ATG5: variants seen among roughly 807,000 people sequenced by gnomAD.
ATG5 encodes the protein autophagy protein 5.
Under a neutral mutation model 36.5 loss-of-function variants are expected in ATG5, and 14 were observed. That is an observed-to-expected ratio of 0.38 (90% CI 0.25 to 0.60). The LOEUF (loss-of-function observed/expected upper bound fraction) is 0.60, where lower values mean the gene tolerates loss of function less well. Ranked by LOEUF, ATG5 falls within the 20% of genes least tolerant of loss-of-function variation. The pLI, the probability that ATG5 is intolerant of heterozygous loss-of-function variation, is 0.60. For synonymous variants in ATG5, 95 were observed against 101.5 expected (o/e 0.94, Z 0.38); for missense variants, 195 against 326.7 (o/e 0.60, Z 3.11).
intron 4 of ATG5, among the ~76,000 whole-genome samples, chr6:106,291,445 G>T (rs1780304222): frequency 6.6e-6 from 1 of 152,102 alleles, no homozygotes; most frequent in Admixed American, 6.5e-5. Context: ...CAACGGGAAG[G>T]GCCAATAACA....
At chr6:106,234,681 A>G (rs928765198) in intron 6 of ATG5, among the ~76,000 whole-genome samples, 13 of 152,226 alleles carry the variant, frequency 8.5e-5, no homozygotes, top group Non-Finnish European at 1.6e-4. Context: ...AACAAGATTT[A>G]TACAATTATG....
chr6:106,252,129 C>T (rs555550311), intron 5 of ATG5, among the ~76,000 whole-genome samples: 1 of 152,188 alleles, frequency 6.6e-6, no homozygotes, highest in East Asian at 1.9e-4. Context: ...CATGAGCCAC[C>T]GTGCAGAGCC....
chr6:106,196,395 G>T (rs931283010), intron 7 of ATG5, among the ~76,000 whole-genome samples: 1 of 152,178 alleles, frequency 6.6e-6, no homozygotes, highest in Admixed American at 6.5e-5. Context: ...ACCAGGAGAT[G>T]GAGACCTGTG....
intron 6 of ATG5, chr6:106,217,492 C>T (rs1040360034): frequency 2.0e-5 from 3 of 152,178 alleles, no homozygotes; most frequent in Non-Finnish European, 2.9e-5. Flanking sequence ...CCACTGTTTG[C>T]GAGCTTTTCC....
At chr6:106,323,091 T>C (rs980926960) in intron 1 of ATG5, among the ~76,000 whole-genome samples, 1 of 151,738 alleles carries the variant, frequency 6.6e-6, no homozygotes, top group South Asian at 2.1e-4. Flanking sequence ...GGTTTGTTTT[T>C]TTTGTTTGTT....
intron 4 of ATG5, among the ~76,000 whole-genome samples, chr6:106,286,056 C>A (rs1347494371): frequency 6.6e-6 from 1 of 151,320 alleles, no homozygotes; most frequent in Non-Finnish European, 1.5e-5. Context: ...CCACTCTTAA[C>A]CCTACAACAT....
intron 6 of ATG5, among the ~76,000 whole-genome samples, chr6:106,233,689 T>C (rs1777777537): frequency 6.6e-6 from 1 of 152,122 alleles, no homozygotes; most frequent in Non-Finnish European, 1.5e-5. Flanking sequence ...TCTCATAACG[T>C]GAACGGCATA....
chr6:106,205,975 T>C lies in ATG5; in HGVS notation c.574-3886A>G, dbSNP rs530695230. Among the ~76,000 whole-genome samples, 3 of 152,328 alleles carry C rather than the reference T, an allele frequency of 2.0e-5. No individual in the cohort carries two copies. The East Asian group carries it at 5.8e-4, about 29-fold the overall frequency. On this transcript the variant is annotated intron_variant, in intron 6 of 7. Transcript: ENST00000369076. ...CAGTACCTTTAAAAACGTAATATTC[T>C]TATTCTTAAAAATTTAGTGTGCTAG...
chr6:106,287,442 A>G (rs1035062855), intron 4 of ATG5, among the ~76,000 whole-genome samples: 5 of 152,232 alleles, frequency 3.3e-5, no homozygotes, highest in African/African-American at 9.6e-5. Context: ...TCTGGCATTC[A>G]GCAGAGTTCA....
intron 6 of ATG5, among the ~76,000 whole-genome samples, chr6:106,207,820 G>A (rs1776695691): frequency 6.6e-6 from 1 of 151,460 alleles, no homozygotes; most frequent in Admixed American, 6.6e-5. Context: ...TCGGCTGGGG[G>A]TGGTGGCTCA....
intron 3 of ATG5, among the ~76,000 whole-genome samples, chr6:106,299,312 T>C (rs922536101): frequency 6.6e-6 from 1 of 152,238 alleles, no homozygotes; most frequent in Non-Finnish European, 1.5e-5. Flanking sequence ...ATAGTTGTTA[T>C]ACCATATTGG....
At chr6:106,216,578 G>C (rs1296950340) in intron 6 of ATG5, among the ~76,000 whole-genome samples, 1 of 152,224 alleles carries the variant, frequency 6.6e-6, no homozygotes, top group Non-Finnish European at 1.5e-5. Flanking sequence ...GCTGGAGGGA[G>C]GGGGAATGAT....
chr6:106,316,821 C>G (rs532989332), intron 1 of ATG5, among the ~76,000 whole-genome samples: 1 of 152,270 alleles, frequency 6.6e-6, no homozygotes, highest in South Asian at 2.1e-4. Context: ...ACAATTTAAT[C>G]CCACCAATAC....
At position 106,185,343 on chromosome 6, in the gene ATG5, A is replaced by G. The variant is rs1190579043; in HGVS notation, c.*1197T>C. ...TTTTAGCGTACTCAAATGGGTCAAC[A>G]TTCAATATGGACAGCCAGCTAGCTC... On this transcript the variant is annotated 3_prime_UTR_variant, in exon 8 of 8. Transcript: ENST00000369076. 6.5e-6 allele frequency: 1 copy of G among 152,774 alleles called. No homozygotes were observed. The highest frequency in any genetic ancestry group is 1.9e-4 in the East Asian group (1 of 5,344). 9.5% of individuals were successfully genotyped at this position (152,774 alleles called of 1,614,324 possible).
intron 6 of ATG5, among the ~76,000 whole-genome samples, chr6:106,239,536 G>T (rs887062265): frequency 8.5e-5 from 13 of 152,086 alleles, no homozygotes; most frequent in Non-Finnish European, 1.8e-4. Context: ...TATGAAAAAA[G>T]GAGACAAATG....
intron 6 of ATG5, among the ~76,000 whole-genome samples, chr6:106,231,406 G>C (rs889760674): frequency 2.6e-5 from 4 of 152,218 alleles, no homozygotes; most frequent in African/African-American, 9.7e-5. Context: ...AGAGGAAAGA[G>C]AACGATTCCC....
In ATG5 at chr6:106,325,620, C is replaced by A. The variant is rs185971542; in HGVS notation, c.-153G>T. On this transcript the variant is annotated 5_prime_UTR_variant, in exon 1 of 8. Transcript: ENST00000369076. ...GTGGGGCGGCGGGGCAAGCTGCCCG[C>A]CTGACACACTGTCCTGCGGGGACGC... 6.5e-6 allele frequency: 1 copy of A among 152,866 alleles called. No homozygotes were observed. The highest frequency in any genetic ancestry group is 2.4e-5 in the African/African-American group (1 of 41,462). 9.5% of individuals were successfully genotyped at this position (152,866 alleles called of 1,614,324 possible).
At chr6:106,238,524 C>T (rs1399044878) in intron 6 of ATG5, among the ~76,000 whole-genome samples, 1 of 152,180 alleles carries the variant, frequency 6.6e-6, no homozygotes, top group East Asian at 1.9e-4. Flanking sequence ...CTGAGCTAAG[C>T]AGCTCCTGGG....
chr6:106,245,096 A>C (rs1778277871), intron 6 of ATG5, among the ~76,000 whole-genome samples: 1 of 152,174 alleles, frequency 6.6e-6, no homozygotes, highest in African/African-American at 2.4e-5. Flanking sequence ...CAGGAACACA[A>C]ACCTGAAACT....
Sources: allele counts gnomAD v4.1 joint callset (sites outside exome capture counted in the v4.1 genomes callset), GRCh38; gene constraint gnomAD v4.1.1; transcripts MANE v1.5; gene names NCBI Gene and HGNC (gene_info 2026-07-23, HGNC 2026-07-21).